RSRC1: variants seen among roughly 807,000 people sequenced by gnomAD.
RSRC1 encodes the protein arginine and serine rich coiled-coil 1, also known as serine/Arginine-related protein 53.
Under a neutral mutation model 49.1 loss-of-function variants are expected in RSRC1, and 39 were observed. That is an observed-to-expected ratio of 0.79 (90% CI 0.61 to 1.04). The LOEUF (loss-of-function observed/expected upper bound fraction) is 1.04, where lower values mean the gene tolerates loss of function less well. Ranked by LOEUF, RSRC1 falls within the 50% of genes least tolerant of loss-of-function variation. The pLI, the probability that RSRC1 is intolerant of heterozygous loss-of-function variation, is 0.00. For synonymous variants in RSRC1, 143 were observed against 130.8 expected (o/e 1.09, Z -0.63); for missense variants, 388 against 402.4 (o/e 0.96, Z 0.31).
At chr3:158,460,486 T>C (rs550323627) in intron 6 of RSRC1, among the ~76,000 whole-genome samples, 2 of 152,008 alleles carry the variant, frequency 1.3e-5, no homozygotes, top group East Asian at 3.9e-4. Context: ...ACTACTATGA[T>C]GTGCAATGAA....
chr3:158,202,938 T>G (rs1484064689), intron 3 of RSRC1, 134 bp from the exon 4 acceptor site: 4 of 572,350 alleles, frequency 7.0e-6, no homozygotes, highest in Non-Finnish European at 1.2e-5. Context: ...TTCAGGTGCT[T>G]GCTTCACGTG....
At chr3:158,436,827 A>G (rs1736068031) in intron 6 of RSRC1, among the ~76,000 whole-genome samples, 2 of 151,962 alleles carry the variant, frequency 1.3e-5, no homozygotes, top group Admixed American at 6.6e-5. Context: ...AACTCATTCA[A>G]CTTTTACAAT....
At chr3:158,465,372 A>C (rs969101986) in intron 7 of RSRC1, among the ~76,000 whole-genome samples, 1 of 151,984 alleles carries the variant, frequency 6.6e-6, no homozygotes, top group African/African-American at 2.4e-5. Context: ...ACCAAGTCTG[A>C]GCACACCCAG....
At position 158,381,631 on chromosome 3, in the gene RSRC1, G is replaced by A. The variant is rs1366048977; in HGVS notation, c.583+26723G>A. 2.6e-5 allele frequency among the ~76,000 whole-genome samples: 4 copies of A among 152,150 alleles called. No homozygotes were observed. In the East Asian group the frequency reaches 7.7e-4, roughly 29 times the overall value. ...GTGGTATAACCTACTACACACCTAG[G>A]CTATATGGTATAGTCTGTTGCTCCT... is the stretch of plus-strand genomic sequence containing the variant. On this transcript the variant is annotated intron_variant, in intron 6 of 9. Transcript: ENST00000611884.
At chr3:158,429,427 G>T (rs200097794) in intron 6 of RSRC1, among the ~76,000 whole-genome samples, 1 of 119,304 alleles carries the variant, frequency 8.4e-6, no homozygotes, top group Non-Finnish European at 1.8e-5. Context: ...TTATGTATGC[G>T]TGTGTATACA....
intron 6 of RSRC1, among the ~76,000 whole-genome samples, chr3:158,434,881 CA>C (rs1178633206): frequency 6.6e-6 from 1 of 151,834 alleles, no homozygotes; most frequent in Non-Finnish European, 1.5e-5. Context: ...TATGCTCTTC[CA>C]GTTGTAAATA....
At chr3:158,222,856 A>C (rs1210507048) in intron 4 of RSRC1, among the ~76,000 whole-genome samples, 1 of 151,612 alleles carries the variant, frequency 6.6e-6, no homozygotes, top group Non-Finnish European at 1.5e-5. Context: ...CTCCTGGATA[A>C]TTCCTACCAG....
At chr3:158,319,961 A>G (rs1378845793) in intron 5 of RSRC1, among the ~76,000 whole-genome samples, 1 of 152,198 alleles carries the variant, frequency 6.6e-6, no homozygotes, top group Non-Finnish European at 1.5e-5. Context: ...TCAAAAGACT[A>G]CTGGTATAGC....
At chr3:158,135,676 A>G (rs1462229563) in intron 3 of RSRC1, among the ~76,000 whole-genome samples, 2 of 151,956 alleles carry the variant, frequency 1.3e-5, no homozygotes, top group Non-Finnish European at 1.5e-5. Flanking sequence ...TGCAAATCTG[A>G]TAGGACCTCC....
intron 5 of RSRC1, among the ~76,000 whole-genome samples, chr3:158,332,999 C>T (rs1420614322): frequency 3.4e-5 from 5 of 145,488 alleles, no homozygotes; most frequent in Admixed American, 7.1e-5. Context: ...GACAGAGTCT[C>T]GCTCTTTCGC....
At chr3:158,150,645 G>T (rs1405359286) in intron 3 of RSRC1, among the ~76,000 whole-genome samples, 1 of 152,116 alleles carries the variant, frequency 6.6e-6, no homozygotes, top group Non-Finnish European at 1.5e-5. Flanking sequence ...TATAAGAGAG[G>T]GTTGTTCCTT....
In RSRC1 at chr3:158,433,050, A is replaced by G. The variant is rs1735858590; in HGVS notation, c.584-27885A>G. 2.6e-5 allele frequency among the ~76,000 whole-genome samples: 4 copies of G among 151,914 alleles called. No homozygotes were observed. The South Asian group carries it at 8.3e-4, about 32-fold the overall frequency. On this transcript the variant is annotated intron_variant, in intron 6 of 9. Transcript: ENST00000611884. ...CCTTATAAGTTATATTTAGTCCTCTATATTAAAACAGAGAAAAAAGATCAC... is the reference window on the plus strand; with the variant it reads ...CCTTATAAGTTATATTTAGTCCTCTGTATTAAAACAGAGAAAAAAGATCAC...
At chr3:158,530,309 G>T (rs1576610851) in intron 7 of RSRC1, among the ~76,000 whole-genome samples, 1 of 151,866 alleles carries the variant, frequency 6.6e-6, no homozygotes, top group Non-Finnish European at 1.5e-5. Context: ...TGGAGCACAG[G>T]TTATCATCTC....
chr3:158,466,922 G>A (rs2108414579), intron 7 of RSRC1, among the ~76,000 whole-genome samples: 1 of 152,220 alleles, frequency 6.6e-6, no homozygotes, highest in African/African-American at 2.4e-5. Context: ...AGTCAGGCAT[G>A]GTAGTGGCCA....
At chr3:158,450,106 C>T (rs1736940517) in intron 6 of RSRC1, among the ~76,000 whole-genome samples, 1 of 151,942 alleles carries the variant, frequency 6.6e-6, no homozygotes, top group African/African-American at 2.4e-5. Flanking sequence ...TTCATGCCTT[C>T]TTCATCTTTC....
chr3:158,172,815 A>T (rs1421094307), intron 3 of RSRC1, among the ~76,000 whole-genome samples: 1 of 152,156 alleles, frequency 6.6e-6, no homozygotes, highest in Non-Finnish European at 1.5e-5. Flanking sequence ...AACAATTTAA[A>T]TAAGTTTAGG....
chr3:158,512,120 T>G lies in RSRC1; in HGVS notation c.653-24972T>G, dbSNP rs1289513904. Among the ~76,000 whole-genome samples the G allele has an allele frequency of 6.1e-5, 9 of 148,758 alleles. No homozygotes were observed. The South Asian group carries it at 1.1e-3, about 18-fold the overall frequency. On this transcript the variant is annotated intron_variant, in intron 7 of 9. Coordinates refer to ENST00000611884, the MANE Select transcript of RSRC1 (RefSeq NM_001271838.2). ...TTTTGCTGTGCAGAAGCTCTTTAAT[T>G]AGATCCCATTTGTCAATTTTGGCTT...
intron 3 of RSRC1, among the ~76,000 whole-genome samples, chr3:158,135,575 C>T (rs1017780122): frequency 3.3e-5 from 5 of 151,962 alleles, no homozygotes; most frequent in African/African-American, 9.7e-5. Flanking sequence ...CCACTGCGCC[C>T]GGCCTATAGT....
intron 5 of RSRC1, among the ~76,000 whole-genome samples, chr3:158,327,319 A>T (rs2108184676): frequency 6.6e-6 from 1 of 152,012 alleles, no homozygotes. Flanking sequence ...TTTAATTGTG[A>T]TGTTAGGGTG....
Sources: gnomAD v4.1 joint callset for allele counts (sites outside exome capture counted in the v4.1 genomes callset) on GRCh38, gnomAD v4.1.1 for gene constraint, MANE v1.5 for transcripts, NCBI Gene and HGNC (gene_info 2026-07-23, HGNC 2026-07-21) for gene names.